Variants in BNC2 observed in about 807,000 individuals in gnomAD.
BNC2 encodes the protein zinc finger protein basonuclin-2.
In BNC2, 20 loss-of-function variants were observed where a neutral mutation model predicts 76.3. That is an observed-to-expected ratio of 0.26 (90% CI 0.18 to 0.38). The LOEUF (loss-of-function observed/expected upper bound fraction) is 0.38, where lower values mean the gene tolerates loss of function less well. Among genes scored for constraint, BNC2 ranks in the 10% least tolerant of loss-of-function variants. The pLI, the probability that BNC2 is intolerant of heterozygous loss-of-function variation, is 1.00. For synonymous variants in BNC2, 582 were observed against 514.8 expected, an observed-to-expected ratio of 1.13 and a Z score of -1.77; for missense variants, 1,382 against 1,399.8, an observed-to-expected ratio of 0.99 and a Z score of 0.20.
chr9:16,570,337 A>AT (rs995366054), intron 4 of BNC2, among the ~76,000 whole-genome samples: 1 of 152,132 alleles, frequency 6.6e-6, no homozygotes, highest in African/African-American at 2.4e-5. Context: ...GTCACAAGTA[A>AT]TTTTTCCTCC....
chr9:16,609,059 C>A (rs530792768), intron 3 of BNC2, among the ~76,000 whole-genome samples: 3 of 152,228 alleles, frequency 2.0e-5, no homozygotes, highest in Admixed American at 1.3e-4. Flanking sequence ...GAAAGATGCG[C>A]AACATGGGCT....
intron 5 of BNC2, among the ~76,000 whole-genome samples, chr9:16,542,598 C>T (rs887985299): frequency 3.9e-5 from 6 of 152,174 alleles, no homozygotes; most frequent in Admixed American, 3.3e-4. Context: ...CAATCAGAAT[C>T]ACTAGTGACT....
intron 3 of BNC2, among the ~76,000 whole-genome samples, chr9:16,670,301 C>T (rs13299014): frequency 0.69 from 105,466 of 151,882 alleles, 37,766 homozygotes; most frequent in African/African-American, 0.77. Flanking sequence ...TTAGAATATA[C>T]ATATAGAATA....
intron 1 of BNC2, among the ~76,000 whole-genome samples, chr9:16,745,703 T>C (rs1218464511): frequency 1.3e-5 from 2 of 152,200 alleles, no homozygotes; most frequent in Non-Finnish European, 2.9e-5. Flanking sequence ...ATTATGCCTG[T>C]CTCTGATAAA....
intron 3 of BNC2, among the ~76,000 whole-genome samples, chr9:16,598,293 C>G (rs1820150488): frequency 6.6e-6 from 1 of 152,064 alleles, no homozygotes. Context: ...GTGGACATAA[C>G]TTTTGTAAAA....
chr9:16,607,213 C>G (rs1256426132), intron 3 of BNC2, among the ~76,000 whole-genome samples: 1 of 152,130 alleles, frequency 6.6e-6, no homozygotes, highest in African/African-American at 2.4e-5. Context: ...TCTTGGCCTC[C>G]CAAAGTGCGT....
chr9:16,533,671 C>A (rs1292711031), intron 5 of BNC2, among the ~76,000 whole-genome samples: 1 of 152,114 alleles, frequency 6.6e-6, no homozygotes, highest in Non-Finnish European at 1.5e-5. Context: ...CTCATTACTT[C>A]AATCTGTCGT....
intron 1 of BNC2, among the ~76,000 whole-genome samples, chr9:16,840,789 A>C (rs1398399898): frequency 1.2e-4 from 18 of 152,246 alleles, no homozygotes; most frequent in Admixed American, 1.1e-3. Flanking sequence ...TCTAATGTCA[A>C]ATGAGCCTAC....
intron 1 of BNC2, among the ~76,000 whole-genome samples, chr9:16,767,362 G>C (rs746797768): frequency 6.6e-6 from 1 of 152,214 alleles, no homozygotes. Context: ...AGTGCTCAGA[G>C]AGACACAAGG....
At chr9:16,573,993 A>G (rs1357377463) in intron 4 of BNC2, among the ~76,000 whole-genome samples, 1 of 152,142 alleles carries the variant, frequency 6.6e-6, no homozygotes, top group Non-Finnish European at 1.5e-5. Flanking sequence ...AGGGGAGAGG[A>G]GTTAGAAGTC....
chr9:16,722,864 C>T (rs948711765), intron 3 of BNC2, among the ~76,000 whole-genome samples: 6 of 152,102 alleles, frequency 3.9e-5, no homozygotes, highest in African/African-American at 1.2e-4. Context: ...GCATGTTATC[C>T]ATAGACCTTC....
At chr9:16,788,576 C>G (rs1039274763) in intron 1 of BNC2, among the ~76,000 whole-genome samples, 3 of 148,764 alleles carry the variant, frequency 2.0e-5, no homozygotes, top group Non-Finnish European at 4.5e-5. Flanking sequence ...AAAAAGAGGT[C>G]ATTCCTTTTA....
chr9:16,802,059 A>G (rs1401517551), intron 1 of BNC2, among the ~76,000 whole-genome samples: 1 of 152,258 alleles, frequency 6.6e-6, no homozygotes, highest in Non-Finnish European at 1.5e-5. Flanking sequence ...TATCCAAAAT[A>G]AAACGACTGT....
chr9:16,734,530 T>C (rs1473428817), intron 2 of BNC2, among the ~76,000 whole-genome samples: 2 of 152,224 alleles, frequency 1.3e-5, no homozygotes, highest in African/African-American at 2.4e-5. Context: ...TCTGGCCACC[T>C]TGACTGGGCA....
chr9:16,774,302 T>A (rs918821291), intron 1 of BNC2, among the ~76,000 whole-genome samples: 4 of 152,182 alleles, frequency 2.6e-5, no homozygotes, highest in Non-Finnish European at 5.9e-5. Flanking sequence ...AGTATACTAA[T>A]AAGTACAACT....
chr9:16,817,872 G>C (rs1295275749), intron 1 of BNC2, among the ~76,000 whole-genome samples: 2 of 152,062 alleles, frequency 1.3e-5, no homozygotes, highest in African/African-American at 4.8e-5. Context: ...TTATGTTTTA[G>C]GGTCAGGGAT....
intron 3 of BNC2, among the ~76,000 whole-genome samples, chr9:16,669,173 C>A (rs189199870): frequency 2.2e-4 from 33 of 152,200 alleles, no homozygotes; most frequent in Admixed American, 2.2e-3. Flanking sequence ...TAATATTGTA[C>A]GTATTGATTG....
At chr9:16,735,921 A>G (rs766566476) in intron 2 of BNC2, among the ~76,000 whole-genome samples, 13 of 152,168 alleles carry the variant, frequency 8.5e-5, no homozygotes, top group Non-Finnish European at 1.6e-4. Flanking sequence ...GAAGATTGAG[A>G]TTCACCAACA....
chr9:16,590,189 T>C (rs1442896382), intron 3 of BNC2, among the ~76,000 whole-genome samples: 1 of 151,990 alleles, frequency 6.6e-6, no homozygotes, highest in African/African-American at 2.4e-5. Flanking sequence ...AAGAAGAAAT[T>C]TTTTTTTAAT....
Sources: allele counts gnomAD v4.1 joint callset (sites outside exome capture counted in the v4.1 genomes callset), GRCh38; gene constraint gnomAD v4.1.1; transcripts MANE v1.5; gene names NCBI Gene and HGNC (gene_info 2026-07-23, HGNC 2026-07-21).